Variants in AGPAT3 observed in about 807,000 individuals in gnomAD.
AGPAT3 encodes 1-acylglycerol-3-phosphate O-acyltransferase 3, also known as 1-acyl-sn-glycerol-3-phosphate acyltransferase gamma.
A neutral mutation model predicts 47.3 loss-of-function variants in AGPAT3; 5 were observed. The ratio of observed to expected loss-of-function variants is 0.11; its 90% CI spans 0.06 to 0.22. The LOEUF is 0.22. AGPAT3 is among the 10% of genes least tolerant of loss of function. AGPAT3 has a pLI of 1.00. For missense variants in AGPAT3, 315 were observed against 493.0 expected (o/e 0.64, Z 3.42); for synonymous variants, 212 against 208.3 (o/e 1.02, Z -0.15).
chr21:43,895,511 T>C (rs1327097106), intron 1 of AGPAT3, among the ~76,000 whole-genome samples: 1 of 14,384 alleles, frequency 7.0e-5, no homozygotes, highest in East Asian at 4.5e-3. Flanking sequence ...GTGACAGGAT[T>C]TTTTTTTTTT....
chr21:43,942,822 G>A (rs763580799), intron 2 of AGPAT3, among the ~76,000 whole-genome samples: 14 of 152,174 alleles, frequency 9.2e-5, no homozygotes, highest in Non-Finnish European at 7.4e-5. Flanking sequence ...AGGGTGGCAC[G>A]GCGGTGCCAT....
Position 43,909,768 on chromosome 21 carries a change from C to T in AGPAT3, c.-49+5749C>T, listed in dbSNP as rs971045794. On this transcript the variant is annotated intron_variant, in intron 2 of 9. Coordinates refer to ENST00000291572, the MANE Select transcript of AGPAT3 (RefSeq NM_020132.5). ...GGCCTGCAGGCCGGCTGTGGATCTC[C>T]GAGAAGCCACTGGGTGGGACTTTGT... Among the ~76,000 whole-genome samples, 7 of 152,336 alleles carry T rather than the reference C, an allele frequency of 4.6e-5. No homozygotes were observed. In the East Asian group the frequency reaches 5.8e-4, roughly 13 times the overall value.
chr21:43,984,340 C>T lies in AGPAT3; in HGVS notation c.*1948C>T, dbSNP rs1014757233. 3 of 152,346 alleles carry T rather than the reference C, an allele frequency of 2.0e-5. No homozygotes were observed. Among genetic ancestry groups the T allele is most frequent in the African/African-American group, 4.8e-5 (2 of 41,462 alleles). 9.4% of individuals were successfully genotyped at this position (152,346 alleles called of 1,614,324 possible). ...ATCCGTCTCCATGTGTGTTTAGATC[C>T]ATGCCATTCACTGACTCACTAACAC... On this transcript the variant is annotated 3_prime_UTR_variant, in exon 10 of 10. Coordinates refer to ENST00000291572, the MANE Select transcript of AGPAT3 (RefSeq NM_020132.5).
intron 1 of AGPAT3, among the ~76,000 whole-genome samples, chr21:43,866,276 A>G (rs999231887): frequency 5.3e-5 from 8 of 151,774 alleles, no homozygotes; most frequent in Non-Finnish European, 1.0e-4. Flanking sequence ...CCTGGGAAAC[A>G]TGATCTTAGT....
At position 43,952,768 on chromosome 21, in the gene AGPAT3, C is replaced by T. The variant is rs1186072831; in HGVS notation, c.-48-6866C>T. On this transcript the variant is annotated intron_variant, in intron 2 of 9. Coordinates refer to ENST00000291572, the MANE Select transcript of AGPAT3 (RefSeq NM_020132.5). This position sits in a 1 kb window ranked among gnomAD's most constrained non-coding sequence, Gnocchi z 5.6. Reference sequence around the variant, plus strand: ...CAGTGTCTCGGTGGCATCTGAGCAGCCATGAAAAGGTGCCATGGGGACTGG... The same window carrying T: ...CAGTGTCTCGGTGGCATCTGAGCAGTCATGAAAAGGTGCCATGGGGACTGG... Among the ~76,000 whole-genome samples the T allele has an allele frequency of 6.6e-6, 1 of 150,732 alleles. No homozygotes were observed. Among genetic ancestry groups the T allele is most frequent in the Non-Finnish European group, 1.5e-5 (1 of 67,546 alleles).
chr21:43,917,164 G>A (rs1214157616), intron 2 of AGPAT3, among the ~76,000 whole-genome samples: 1 of 151,514 alleles, frequency 6.6e-6, no homozygotes, highest in Admixed American at 6.6e-5. Flanking sequence ...CACACGGTAA[G>A]CACCCCCGCC....
Position 43,934,491 on chromosome 21 carries a change from G to A in AGPAT3, c.-48-25143G>A, listed in dbSNP as rs2087366140. ...TGGGCCTCCACTAGGATGTTATACAGGCAGCATGGCTTAGGTGTCAGAGAC... is the reference window on the plus strand; with the variant it reads ...TGGGCCTCCACTAGGATGTTATACAAGCAGCATGGCTTAGGTGTCAGAGAC... On this transcript the variant is annotated intron_variant, in intron 2 of 9. Coordinates refer to ENST00000291572, the MANE Select transcript of AGPAT3 (RefSeq NM_020132.5). The surrounding 1 kb of genome is among the most constrained non-coding windows in gnomAD (Gnocchi z 4.7). Among the ~76,000 whole-genome samples, 2 of 152,262 alleles carry A rather than the reference G, an allele frequency of 1.3e-5. No individual in the cohort carries two copies. The highest frequency in any genetic ancestry group is 1.3e-4 in the Admixed American group (2 of 15,290).
chr21:43,870,304 A>G (rs540497799), intron 1 of AGPAT3, among the ~76,000 whole-genome samples: 1 of 152,300 alleles, frequency 6.6e-6, no homozygotes, highest in East Asian at 1.9e-4. Flanking sequence ...AAGTTCTAGA[A>G]CATTGGTTAG....
chr21:43,958,336 T>C (rs1158181914), intron 2 of AGPAT3, among the ~76,000 whole-genome samples: 2 of 151,900 alleles, frequency 1.3e-5, no homozygotes, highest in African/African-American at 4.8e-5. Context: ...TGTGTTGCAG[T>C]GTGTGGTGTG....
At position 43,987,569 on chromosome 21, in the gene AGPAT3, C is replaced by T. The variant is rs2030410805; in HGVS notation, c.*5177C>T. On this transcript the variant is annotated 3_prime_UTR_variant, in exon 10 of 10. Transcript: ENST00000291572. ...TTCTCTTCTTTATTAAAAAGCAAAA[C>T]AAAAACTCTTGTTAGAACCAAAAGA... 6.6e-6 allele frequency among the ~76,000 whole-genome samples: 1 copy of T among 152,170 alleles called. No homozygotes were observed. Among genetic ancestry groups the T allele is most frequent in the Non-Finnish European group, 1.5e-5 (1 of 68,016 alleles).
intron 2 of AGPAT3, among the ~76,000 whole-genome samples, chr21:43,959,006 ATG>A (rs1569091591): frequency 2.2e-5 from 2 of 90,478 alleles, no homozygotes; most frequent in African/African-American, 9.0e-5. Context: ...TGTGTGTAGC[ATG>A]TGTGTGGTTT....
chr21:43,930,424 A>C lies in AGPAT3; in HGVS notation c.-49+26405A>C, dbSNP rs1171462495. On this transcript the variant is annotated intron_variant, in intron 2 of 9. Transcript: ENST00000291572. This position sits in a 1 kb window ranked among gnomAD's most constrained non-coding sequence, Gnocchi z 5.0. ...CATTTGTGTAAAGCACCTGCCACTG[A>C]GTGTGACCTCAGGGTTGCCCGTGCG... Among the ~76,000 whole-genome samples, 1 of 152,126 alleles carries C rather than the reference A, an allele frequency of 6.6e-6. No homozygotes were observed. The highest frequency in any genetic ancestry group is 1.5e-5 in the Non-Finnish European group (1 of 68,022).
At chr21:43,971,101 G>T (rs2089374732) in intron 6 of AGPAT3, among the ~76,000 whole-genome samples, 1 of 152,152 alleles carries the variant, frequency 6.6e-6, no homozygotes. Flanking sequence ...ATAAAAGAAA[G>T]GGACAAAGAA....
intron 2 of AGPAT3, among the ~76,000 whole-genome samples, chr21:43,907,054 G>A (rs1230579731): frequency 2.7e-5 from 4 of 146,496 alleles, no homozygotes; most frequent in African/African-American, 1.0e-4. Flanking sequence ...TTTTTTGAGA[G>A]GGGGTCTCTC....
intron 2 of AGPAT3, among the ~76,000 whole-genome samples, chr21:43,943,822 C>A (rs1438208115): frequency 6.6e-6 from 1 of 152,168 alleles, no homozygotes; most frequent in East Asian, 1.9e-4. Flanking sequence ...GAGGCCGGAG[C>A]GTTTTCAGCA....
At chr21:43,927,063 C>T (rs567899751) in intron 2 of AGPAT3, among the ~76,000 whole-genome samples, 11 of 151,888 alleles carry the variant, frequency 7.2e-5, no homozygotes, top group African/African-American at 2.7e-4. Flanking sequence ...CTGCCTCAGC[C>T]TCCCAGAGTG....
At chr21:43,871,355 T>C (rs958121841) in intron 1 of AGPAT3, among the ~76,000 whole-genome samples, 8 of 152,292 alleles carry the variant, frequency 5.3e-5, no homozygotes, top group Admixed American at 2.0e-4. Flanking sequence ...TAAGCATCAA[T>C]TGGAAAAACA....
At chr21:43,938,276 G>C (rs143322623) in intron 2 of AGPAT3, among the ~76,000 whole-genome samples, 1 of 148,484 alleles carries the variant, frequency 6.7e-6, no homozygotes, top group Non-Finnish European at 1.5e-5. Flanking sequence ...ACTGAGGAAC[G>C]TACTGAGGAT....
Position 43,981,081 on chromosome 21 carries a change from G to A in AGPAT3, c.936G>A (p.Leu312=). 6.2e-7 allele frequency: 1 copy of A among 1,614,204 alleles called. No homozygotes were observed. ...GGCCGTGGACCCTCCTGAACTTCCT[G>A]TCCTGGGCCACCATTCTCCTGTCTC... ...ARRPWTLLNF[L]SWATILLSPL... The change falls in exon 9 of 10, where the codon CTG becomes CTA. Residue 312 remains leucine, a synonymous_variant. Coordinates refer to ENST00000291572, the MANE Select transcript of AGPAT3 (RefSeq NM_020132.5). The surrounding 1 kb of genome is among the most constrained non-coding windows in gnomAD (Gnocchi z 5.3).
Sources: allele counts gnomAD v4.1 joint callset (sites outside exome capture counted in the v4.1 genomes callset), GRCh38; gene constraint gnomAD v4.1.1; non-coding constraint Gnocchi (gnomAD v3.1); transcripts MANE v1.5; gene names NCBI Gene and HGNC (gene_info 2026-07-23, HGNC 2026-07-21).